Variants in GATAD2B observed in about 807,000 individuals in gnomAD.
GATAD2B encodes the protein GATA zinc finger domain containing 2B, also known as transcriptional repressor p66-beta.
A neutral mutation model predicts 64.3 loss-of-function variants in GATAD2B; 8 were observed. The ratio of observed to expected loss-of-function variants is 0.12; its 90% CI spans 0.07 to 0.22. The LOEUF is 0.22. Among genes scored for constraint, GATAD2B ranks in the 10% least tolerant of loss-of-function variants. The pLI, the probability that GATAD2B is intolerant of heterozygous loss-of-function variation, is 1.00. For missense variants in GATAD2B, 453 were observed against 752.0 expected (o/e 0.60, Z 4.65); for synonymous variants, 281 against 271.3 (o/e 1.04, Z -0.35).
At chr1:153,868,981 A>G (rs1645565050) in intron 1 of GATAD2B, among the ~76,000 whole-genome samples, 1 of 152,142 alleles carries the variant, frequency 6.6e-6, no homozygotes, top group Non-Finnish European at 1.5e-5. Flanking sequence ...AAAATTCCAC[A>G]TATTAATTTT....
intron 2 of GATAD2B, among the ~76,000 whole-genome samples, chr1:153,825,087 G>A (rs1293194485): frequency 1.3e-5 from 2 of 152,012 alleles, no homozygotes; most frequent in East Asian, 1.9e-4. Flanking sequence ...GACCTTGTCA[G>A]GAAAGGGAAA....
chr1:153,866,510 C>G (rs1408275358), intron 1 of GATAD2B, among the ~76,000 whole-genome samples: 1 of 152,100 alleles, frequency 6.6e-6, no homozygotes, highest in African/African-American at 2.4e-5. Flanking sequence ...GGTCTTGCAC[C>G]ATCTCCAACC....
intron 8 of GATAD2B, 34 bp from the exon 9 acceptor site, chr1:153,812,166 G>T: frequency 8.8e-7 from 1 of 1,130,160 alleles, no homozygotes; most frequent in Non-Finnish European, 1.3e-6. Context: ...TGATTGAGCA[G>T]GACAGCACCC....
chr1:153,817,953 T>C (rs1674541314), intron 5 of GATAD2B, 87 bp downstream of exon 5: 1 of 1,189,548 alleles, frequency 8.4e-7, no homozygotes, highest in Non-Finnish European at 1.2e-6. Flanking sequence ...ATGGCCAGGT[T>C]CTTCTATAAT....
chr1:153,869,922 T>TC (rs1473178154), intron 1 of GATAD2B, among the ~76,000 whole-genome samples: 1 of 151,902 alleles, frequency 6.6e-6, no homozygotes, highest in Non-Finnish European at 1.5e-5. Flanking sequence ...GCCCAGGAGT[T>TC]CAAGACCAGC....
At position 153,809,305 on chromosome 1, in the gene GATAD2B, A is replaced by G. The variant is rs1464914659; in HGVS notation, c.*872T>C. ...CCTGGAATAGACTTCCGTGTTCCCA[A>G]TGGGGTCAGGAGATCGGTCTTATTT... On this transcript the variant is annotated 3_prime_UTR_variant, in exon 11 of 11. Coordinates refer to ENST00000368655, the MANE Select transcript of GATAD2B (RefSeq NM_020699.4). 1.3e-5 allele frequency: 2 copies of G among 152,194 alleles called. No homozygotes were observed. Among genetic ancestry groups the G allele is most frequent in the Non-Finnish European group, 2.9e-5 (2 of 68,028 alleles). 9.4% of individuals were successfully genotyped at this position (152,194 alleles called of 1,614,324 possible).
chr1:153,854,653 T>C (rs931092767), intron 1 of GATAD2B, among the ~76,000 whole-genome samples: 3 of 152,238 alleles, frequency 2.0e-5, no homozygotes, highest in African/African-American at 2.4e-5. Context: ...TGTAATGAAA[T>C]AGCAGAAGTG....
intron 1 of GATAD2B, chr1:153,852,698 G>T: frequency 1.1e-6 from 1 of 924,956 alleles, no homozygotes; most frequent in Non-Finnish European, 1.8e-6. Flanking sequence ...CTTTAACCCT[G>T]CTGAGAGCCT....
At chr1:153,899,613 T>C (rs1210627006) in intron 1 of GATAD2B, among the ~76,000 whole-genome samples, 1 of 151,674 alleles carries the variant, frequency 6.6e-6, no homozygotes, top group Non-Finnish European at 1.5e-5. Flanking sequence ...TTCCAATAAT[T>C]GGGCTGTAGT....
chr1:153,825,490 C>T (rs1674841887), intron 2 of GATAD2B, among the ~76,000 whole-genome samples: 1 of 152,138 alleles, frequency 6.6e-6, no homozygotes, highest in African/African-American at 2.4e-5. Context: ...GTGGCACGAT[C>T]TCAGCTCACT....
intron 1 of GATAD2B, among the ~76,000 whole-genome samples, chr1:153,916,277 G>GAAAAAAAAA (rs200305010): frequency 3.2e-5 from 3 of 92,600 alleles, no homozygotes. Flanking sequence ...TCCACCTCAA[G>GAAAAAAAAA]AAAAAAAAAA....
intron 1 of GATAD2B, among the ~76,000 whole-genome samples, chr1:153,892,865 T>C (rs1677462136): frequency 1.3e-5 from 2 of 152,000 alleles, no homozygotes; most frequent in Non-Finnish European, 2.9e-5. Flanking sequence ...TGGCTAATTT[T>C]TGTATTTTTA....
intron 1 of GATAD2B, among the ~76,000 whole-genome samples, chr1:153,879,200 A>G (rs1676934160): frequency 6.6e-6 from 1 of 151,964 alleles, no homozygotes; most frequent in African/African-American, 2.4e-5. Flanking sequence ...TCAGCCTCCC[A>G]AAGTGCTGGG....
chr1:153,839,219 C>T (rs890246455), intron 1 of GATAD2B, among the ~76,000 whole-genome samples: 6 of 151,606 alleles, frequency 4.0e-5, no homozygotes, highest in Non-Finnish European at 5.9e-5. Flanking sequence ...TGTTGGACTC[C>T]TATAAGAAAC....
intron 1 of GATAD2B, among the ~76,000 whole-genome samples, chr1:153,889,413 CAAAAAAAAAAAA>C (rs71093299): frequency 1.5e-5 from 1 of 67,910 alleles, no homozygotes. Flanking sequence ...ACCCCGTCTC[CAAAAAAAAAAAA>C]AAAAAAAAAA....
At chr1:153,906,625 A>G (rs1677945713) in intron 1 of GATAD2B, among the ~76,000 whole-genome samples, 1 of 152,166 alleles carries the variant, frequency 6.6e-6, no homozygotes, top group Non-Finnish European at 1.5e-5. Context: ...CCAAAAGCAC[A>G]GGCAAAAAAG....
intron 1 of GATAD2B, among the ~76,000 whole-genome samples, chr1:153,861,809 T>TATACATAC (rs1294838675): frequency 8.2e-6 from 1 of 122,192 alleles, no homozygotes; most frequent in Non-Finnish European, 1.7e-5. Context: ...TATATATATA[T>TATACATAC]ACACATATGT....
At chr1:153,912,792 G>A (rs1343376401) in intron 1 of GATAD2B, among the ~76,000 whole-genome samples, 1 of 152,020 alleles carries the variant, frequency 6.6e-6, no homozygotes, top group East Asian at 1.9e-4. Flanking sequence ...TAACCTTTAC[G>A]CCTTTATAAG....
chr1:153,866,867 G>A (rs939474701), intron 1 of GATAD2B, among the ~76,000 whole-genome samples: 4 of 152,124 alleles, frequency 2.6e-5, no homozygotes, highest in African/African-American at 4.8e-5. Context: ...TGCAATCTCC[G>A]CCTCCCGGGT....
Sources: allele counts gnomAD v4.1 joint callset (sites outside exome capture counted in the v4.1 genomes callset), GRCh38; gene constraint gnomAD v4.1.1; transcripts MANE v1.5; gene names NCBI Gene and HGNC (gene_info 2026-07-23, HGNC 2026-07-21).